The following DSCAM variants were observed in gnomAD, a reference collection of about 807,000 sequenced individuals.
The protein encoded by DSCAM is cell adhesion molecule DSCAM.
In DSCAM, 47 loss-of-function variants were observed where a neutral mutation model predicts 217.7. That is an observed-to-expected ratio of 0.22 (90% CI 0.17 to 0.28). The LOEUF (loss-of-function observed/expected upper bound fraction) is 0.28. DSCAM is among the 10% of genes least tolerant of loss of function. DSCAM has a pLI of 1.00. For missense variants in DSCAM, 2,080 were observed against 2,618.3 expected (o/e 0.79, Z 4.49); for synonymous variants, 1,056 against 1,015.3 (o/e 1.04, Z -0.76).
chr21:40,155,433 G>A (rs1217856050), intron 16 of DSCAM, among the ~76,000 whole-genome samples: 6 of 152,188 alleles, frequency 3.9e-5, no homozygotes, highest in Non-Finnish European at 7.3e-5. Context: ...ACACACGCCT[G>A]GAGGGCCCAA....
chr21:40,073,533 T>C (rs1284835097), intron 27 of DSCAM, among the ~76,000 whole-genome samples: 1 of 152,214 alleles, frequency 6.6e-6, no homozygotes, highest in Non-Finnish European at 1.5e-5. Flanking sequence ...TTCAACATGG[T>C]CCACATTATA....
At chr21:40,753,409 T>C (rs2091247020) in intron 1 of DSCAM, among the ~76,000 whole-genome samples, 1 of 152,212 alleles carries the variant, frequency 6.6e-6, no homozygotes, top group African/African-American at 2.4e-5. Flanking sequence ...CAATTTGTAA[T>C]GAAGAAACAT....
intron 3 of DSCAM, among the ~76,000 whole-genome samples, chr21:40,609,822 C>A (rs1206090839): frequency 6.6e-6 from 1 of 152,234 alleles, no homozygotes; most frequent in Non-Finnish European, 1.5e-5. Flanking sequence ...GACAGGCAGG[C>A]CTTGCCTGGG....
intron 3 of DSCAM, among the ~76,000 whole-genome samples, chr21:40,601,878 A>G (rs1297798908): frequency 1.3e-5 from 2 of 152,098 alleles, no homozygotes; most frequent in African/African-American, 4.8e-5. Flanking sequence ...ATCATGGTAC[A>G]TTATTCTTTT....
chr21:40,362,695 A>G (rs1021051591), intron 4 of DSCAM, among the ~76,000 whole-genome samples: 1 of 152,198 alleles, frequency 6.6e-6, no homozygotes, highest in Non-Finnish European at 1.5e-5. Flanking sequence ...GAAAGACAAT[A>G]CATTTAGTGG....
At chr21:40,203,420 T>A (rs1320954366) in intron 11 of DSCAM, among the ~76,000 whole-genome samples, 1 of 152,188 alleles carries the variant, frequency 6.6e-6, no homozygotes, top group Non-Finnish European at 1.5e-5. Flanking sequence ...GTCTGAATCA[T>A]CCCCCACCTG....
Position 40,501,129 on chromosome 21 carries a change from T to C in DSCAM, c.509-131884A>G, listed in dbSNP as rs191931220. Among the ~76,000 whole-genome samples the C allele has an allele frequency of 6.9e-3, 1,052 of 152,328 alleles. 5 individuals carry two copies. The highest frequency in any genetic ancestry group is 7.8e-3 in the Non-Finnish European group (530 of 68,018). On this transcript the variant is annotated intron_variant, in intron 3 of 32. Coordinates refer to ENST00000400454, the MANE Select transcript of DSCAM (RefSeq NM_001389.5). Reference sequence around the variant, plus strand: ...GCTAATACAGGACACCATTTCAATCTAAATGTTAGTTACATAATGCATAAT... The same window carrying C: ...GCTAATACAGGACACCATTTCAATCCAAATGTTAGTTACATAATGCATAAT...
At chr21:40,728,000 C>A (rs1235802036) in intron 1 of DSCAM, among the ~76,000 whole-genome samples, 2 of 152,144 alleles carry the variant, frequency 1.3e-5, no homozygotes, top group African/African-American at 4.8e-5. Context: ...AACTCCCTGG[C>A]TCACCTTTTC....
chr21:40,330,538 G>C (rs1257887267), intron 8 of DSCAM, among the ~76,000 whole-genome samples: 1 of 151,548 alleles, frequency 6.6e-6, no homozygotes, highest in Admixed American at 6.6e-5. Flanking sequence ...TTTAAAGAAA[G>C]GTGTCTGCTT....
At chr21:40,142,744 G>T in intron 17 of DSCAM, 40 bp from the exon 18 acceptor site, 6 of 1,562,872 alleles carry the variant, frequency 3.8e-6, no homozygotes, top group Non-Finnish European at 5.2e-6. Flanking sequence ...ACTGTGGGTG[G>T]TTTATGAGCA....
At chr21:40,713,559 T>C (rs144187042) in intron 1 of DSCAM, among the ~76,000 whole-genome samples, 1 of 152,210 alleles carries the variant, frequency 6.6e-6, no homozygotes, top group Non-Finnish European at 1.5e-5. Context: ...AGGAAATATA[T>C]CAATAAATAT....
intron 3 of DSCAM, among the ~76,000 whole-genome samples, chr21:40,616,929 G>A (rs1276053995): frequency 5.4e-5 from 8 of 147,786 alleles, no homozygotes; most frequent in South Asian, 2.2e-4. Flanking sequence ...AGGCAGGAGA[G>A]TGGCGTGAAC....
intron 15 of DSCAM, among the ~76,000 whole-genome samples, chr21:40,172,518 C>T (rs368982841): frequency 1.3e-5 from 2 of 152,238 alleles, no homozygotes; most frequent in Non-Finnish European, 2.9e-5. Context: ...GTCTCTGCTT[C>T]TGTCCCTCCC....
chr21:40,048,378 G>A (rs1034733668), intron 30 of DSCAM, among the ~76,000 whole-genome samples: 2 of 152,144 alleles, frequency 1.3e-5, no homozygotes, highest in African/African-American at 2.4e-5. Flanking sequence ...ATGGGGATGA[G>A]GACATGGATA....
chr21:40,685,262 C>T (rs997988012), intron 3 of DSCAM, among the ~76,000 whole-genome samples: 2 of 152,176 alleles, frequency 1.3e-5, no homozygotes, highest in African/African-American at 2.4e-5. Context: ...CTGAGACTGT[C>T]AGTCTTATGA....
intron 3 of DSCAM, among the ~76,000 whole-genome samples, chr21:40,441,581 ACTT>A (rs1240548267): frequency 6.6e-6 from 1 of 152,146 alleles, no homozygotes; most frequent in Non-Finnish European, 1.5e-5. Flanking sequence ...CCTCTCTCCT[ACTT>A]CTTCTAAGCA....
intron 3 of DSCAM, among the ~76,000 whole-genome samples, chr21:40,416,843 CAG>C (rs2075376426): frequency 6.6e-6 from 1 of 152,070 alleles, no homozygotes. Flanking sequence ...AAGATAAAAA[CAG>C]AAATGTAAAT....
intron 3 of DSCAM, among the ~76,000 whole-genome samples, chr21:40,440,733 TGTGACATGAGTCTTGGCTGTG>T (rs2075622732): frequency 1.7e-4 from 1 of 6,004 alleles, no homozygotes; most frequent in African/African-American, 7.5e-4. Flanking sequence ...CTTGGCTGTG[TGTGACATGAGTCTTGGCTGTG>T]TGTGACACTG....
Position 40,692,871 on chromosome 21 carries a change from G to A in DSCAM, c.447C>T (p.Ser149=). The A allele has an allele frequency of 1.2e-6, 2 of 1,614,040 alleles. No individual in the cohort carries two copies. Among genetic ancestry groups the A allele is most frequent in the Non-Finnish European group, 1.7e-6 (2 of 1,179,946 alleles). The part of the protein sequence containing the change: ...NVAVFKCIIP[S]SVEAYITVVS... Reference sequence around the variant, plus strand: ...CGACAGTGATGTACGCCTCCACCGAGGAGGGGATAATGCACTTGAAGACCG... The same window carrying A: ...CGACAGTGATGTACGCCTCCACCGAAGAGGGGATAATGCACTTGAAGACCG... The change falls in exon 3 of 33, where the codon TCC becomes TCT. Residue 149 remains serine, a synonymous_variant. Transcript: ENST00000400454.
Sources: gnomAD v4.1 joint callset for allele counts (sites outside exome capture counted in the v4.1 genomes callset) on GRCh38, gnomAD v4.1.1 for gene constraint, MANE v1.5 for transcripts, NCBI Gene and HGNC (gene_info 2026-07-23, HGNC 2026-07-21) for gene names.